Variants in USP34 observed in about 807,000 individuals in gnomAD.
USP34 encodes ubiquitin carboxyl-terminal hydrolase 34.
Under a neutral mutation model 460.3 loss-of-function variants are expected in USP34, and 70 were observed. That is an observed-to-expected ratio of 0.15 (90% CI 0.13 to 0.19). The LOEUF (loss-of-function observed/expected upper bound fraction) is 0.19. USP34 is among the 10% of genes least tolerant of loss of function. The pLI is 1.00. For missense variants in USP34, 3,985 were observed against 4,236.2 expected (o/e 0.94, Z 1.65); for synonymous variants, 1,647 against 1,405.3 (o/e 1.17, Z -3.85).
intron 76 of USP34, 76 bp downstream of exon 76, chr2:61,192,825 C>T: frequency 8.0e-7 from 1 of 1,256,396 alleles, no homozygotes; most frequent in South Asian, 1.4e-5. Flanking sequence ...AAGTCTTCAA[C>T]CCACTGTTCC....
chr2:61,398,066 G>A (rs1025284656), intron 3 of USP34, among the ~76,000 whole-genome samples: 7 of 151,588 alleles, frequency 4.6e-5, no homozygotes, highest in African/African-American at 1.5e-4. Flanking sequence ...GCGAGACTCC[G>A]CCTCCAAAAA....
chr2:61,199,181 G>A (rs747915127), intron 75 of USP34, among the ~76,000 whole-genome samples: 6 of 151,978 alleles, frequency 3.9e-5, no homozygotes, highest in Non-Finnish European at 5.9e-5. Flanking sequence ...TAGGTAGCAT[G>A]GTCTTTCAAA....
chr2:61,220,329 A>C lies in USP34; in HGVS notation c.8028T>G (p.Asn2676Lys). The stretch of plus-strand genomic sequence containing the variant: ...ACTTACAAGTCCTCACTCTAGGATA[A>C]TTGTGAGCCAAAAGAAACCGCTCGA... ...NWVERFLLAH[N>K]YPRVRTSAAY... is the part of the protein sequence containing the mutation. Residue 2676 changes from asparagine (N) to lysine (K), a missense_variant, in exon 67 of 80, where the codon AAT becomes AAG. Around this residue, in one of 14 missense-constraint regions of USP34, gnomAD observed 604 missense variants for 684.8 expected, o/e 0.88. Coordinates refer to ENST00000398571, the MANE Select transcript of USP34 (RefSeq NM_014709.4). 1 of 1,613,790 alleles carries C rather than the reference A, an allele frequency of 6.2e-7. No individual in the cohort carries two copies. Among genetic ancestry groups the C allele is most frequent in the Non-Finnish European group, 8.5e-7 (1 of 1,179,876 alleles).
intron 3 of USP34, among the ~76,000 whole-genome samples, chr2:61,405,396 G>A (rs1169347069): frequency 6.6e-6 from 1 of 151,634 alleles, no homozygotes; most frequent in Non-Finnish European, 1.5e-5. Flanking sequence ...AATTCCATGT[G>A]TTTCTTTTCC....
intron 6 of USP34, among the ~76,000 whole-genome samples, chr2:61,381,449 C>T (rs1412978611): frequency 2.0e-5 from 3 of 152,104 alleles, no homozygotes; most frequent in Admixed American, 2.0e-4. Flanking sequence ...AGTGATCCTT[C>T]CACCTCAGCT....
In USP34 at chr2:61,406,067, CACACACT is replaced by C; in HGVS notation, c.186_192del (p.Val63HisfsTer5). 1 of 1,613,608 alleles carries C rather than the reference CACACACT, an allele frequency of 6.2e-7. No homozygotes were observed. The stretch of plus-strand genomic sequence containing the variant: ...TGGGCAATCACTAAGTTAATAAGTG[CACACACT>C]ACTTGATTAAAAATCTCCAAATGCT... On this transcript the variant is annotated frameshift_variant, in exon 3 of 80. Transcript: ENST00000398571. LOFTEE classifies it high-confidence loss of function.
chr2:61,231,320 CA>C (rs1450657752), intron 58 of USP34, among the ~76,000 whole-genome samples: 16 of 151,844 alleles, frequency 1.1e-4, no homozygotes, highest in African/African-American at 3.9e-4. Flanking sequence ...GCAAATGTTC[CA>C]AAATTAGGTA....
chr2:61,267,806 C>T (rs1262754496), intron 41 of USP34, among the ~76,000 whole-genome samples: 3 of 152,072 alleles, frequency 2.0e-5, no homozygotes, highest in Non-Finnish European at 4.4e-5. Context: ...TTAGTAGAGA[C>T]GGGGTTTCAC....
chr2:61,297,656 G>A (rs1306285350), intron 29 of USP34, among the ~76,000 whole-genome samples: 1 of 152,152 alleles, frequency 6.6e-6, no homozygotes, highest in African/African-American at 2.4e-5. Context: ...GTATAACATG[G>A]TCTAGGGATA....
chr2:61,350,503 T>A, intron 11 of USP34, 65 bp downstream of exon 11: 1 of 1,560,282 alleles, frequency 6.4e-7, no homozygotes. Flanking sequence ...TTAAATTATC[T>A]GAATCACAAG....
At chr2:61,447,087 T>C (rs1695140626) in intron 1 of USP34, among the ~76,000 whole-genome samples, 1 of 151,604 alleles carries the variant, frequency 6.6e-6, no homozygotes. Flanking sequence ...AAACACTGTC[T>C]CTACTAAAAA....
At chr2:61,425,960 C>T (rs1694499417) in intron 1 of USP34, among the ~76,000 whole-genome samples, 1 of 151,830 alleles carries the variant, frequency 6.6e-6, no homozygotes, top group Non-Finnish European at 1.5e-5. Context: ...CAGGGCACCG[C>T]TCAGAGTCAT....
chr2:61,274,149 G>A (rs1460354039), intron 41 of USP34, among the ~76,000 whole-genome samples: 1 of 151,984 alleles, frequency 6.6e-6, no homozygotes, highest in East Asian at 1.9e-4. Context: ...CAGCACTTTG[G>A]GAGGTCAAGG....
intron 21 of USP34, among the ~76,000 whole-genome samples, chr2:61,322,768 G>A (rs1690965945): frequency 6.6e-6 from 1 of 152,134 alleles, no homozygotes; most frequent in African/African-American, 2.4e-5. Context: ...TATTTGTTCT[G>A]AGAACTTGTG....
intron 5 of USP34, among the ~76,000 whole-genome samples, chr2:61,390,779 G>A (rs1693320006): frequency 6.6e-6 from 1 of 151,896 alleles, no homozygotes; most frequent in Non-Finnish European, 1.5e-5. Context: ...GAAATTTCAG[G>A]ATTCTAGATT....
chr2:61,209,241 C>T (rs1278844125), intron 69 of USP34, among the ~76,000 whole-genome samples: 1 of 152,030 alleles, frequency 6.6e-6, no homozygotes, highest in Non-Finnish European at 1.5e-5. Flanking sequence ...TTAAAGTTTC[C>T]ACATAAACAA....
chr2:61,395,338 A>G lies in USP34; in HGVS notation c.553-105T>C, dbSNP rs1166939368. 4 of 742,596 alleles carry G rather than the reference A, an allele frequency of 5.4e-6. No individual in the cohort carries two copies. In the East Asian group the frequency reaches 8.6e-5, roughly 16 times the overall value. 46.0% of individuals were successfully genotyped at this position (742,596 alleles called of 1,614,324 possible). On this transcript the variant is annotated intron_variant, in intron 3 of 79. Coordinates refer to ENST00000398571, the MANE Select transcript of USP34 (RefSeq NM_014709.4). ...TTTATAAAAACCGAATAAACAGATT[A>G]TTTTGCAATTACTCCTGATAAGCAG...
At chr2:61,353,974 C>T (rs932667101) in intron 10 of USP34, among the ~76,000 whole-genome samples, 1 of 152,082 alleles carries the variant, frequency 6.6e-6, no homozygotes, top group Non-Finnish European at 1.5e-5. Flanking sequence ...CTGAAATTAT[C>T]AAGTCTGAGG....
intron 1 of USP34, among the ~76,000 whole-genome samples, chr2:61,442,898 TACACAC>T (rs58151221): frequency 0.11 from 16,411 of 147,240 alleles, 1,112 homozygotes; most frequent in South Asian, 0.31. Flanking sequence ...GTGATGTGTG[TACACAC>T]ACACACACAC....
Sources: gnomAD v4.1 joint callset for allele counts (sites outside exome capture counted in the v4.1 genomes callset) on GRCh38, gnomAD v4.1.1 for gene constraint, gnomAD v4.1.1 regional missense constraint, MANE v1.5 for transcripts, NCBI Gene and HGNC (gene_info 2026-07-23, HGNC 2026-07-21) for gene names.